Variants in ZMIZ1 observed in about 807,000 individuals in gnomAD.
ZMIZ1 encodes the protein zinc finger MIZ domain-containing protein 1.
ZMIZ1 carries 17 observed loss-of-function variants against 113.9 expected under a neutral mutation model. That is an observed-to-expected ratio of 0.15 (90% CI 0.10 to 0.22). The LOEUF (loss-of-function observed/expected upper bound fraction) is 0.22, where lower values mean the gene tolerates loss of function less well. ZMIZ1 is among the 10% of genes least tolerant of loss of function. The probability of loss-of-function intolerance (pLI) is 1.00; values close to 1 mark genes in which losing one functional copy is unlikely to be tolerated. For synonymous variants in ZMIZ1, 607 were observed against 603.1 expected (o/e 1.01, Z -0.09); for missense variants, 1,059 against 1,477.8 (o/e 0.72, Z 4.65).
chr10:79,105,492 T>C (rs1231620353), intron 1 of ZMIZ1, among the ~76,000 whole-genome samples: 1 of 152,218 alleles, frequency 6.6e-6, no homozygotes, highest in Non-Finnish European at 1.5e-5. Flanking sequence ...AAAGTGACCG[T>C]TGGCATTCAG....
chr10:79,127,306 C>T (rs997789607), intron 2 of ZMIZ1, among the ~76,000 whole-genome samples: 2 of 152,152 alleles, frequency 1.3e-5, no homozygotes, highest in African/African-American at 2.4e-5. Context: ...TGACCTGCAG[C>T]GGCCTCTCTC....
At chr10:79,093,762 C>T (rs1329707910) in intron 1 of ZMIZ1, among the ~76,000 whole-genome samples, 1 of 152,196 alleles carries the variant, frequency 6.6e-6, no homozygotes, top group Non-Finnish European at 1.5e-5. Flanking sequence ...CTATGCACAC[C>T]CTCCCATGCC....
chr10:79,219,457 G>A (rs1012741536), intron 7 of ZMIZ1, among the ~76,000 whole-genome samples: 5 of 152,198 alleles, frequency 3.3e-5, no homozygotes, highest in Non-Finnish European at 7.3e-5. Flanking sequence ...GTAATAGGCT[G>A]GAACCTGAAC....
At chr10:79,226,783 C>CT (rs1428630228) in intron 7 of ZMIZ1, among the ~76,000 whole-genome samples, 1 of 152,174 alleles carries the variant, frequency 6.6e-6, no homozygotes, top group Non-Finnish European at 1.5e-5. Context: ...CTGGGTTAGA[C>CT]AGACAGATAG....
At chr10:79,121,846 A>ATTC (rs1844305096) in intron 2 of ZMIZ1, among the ~76,000 whole-genome samples, 1 of 152,210 alleles carries the variant, frequency 6.6e-6, no homozygotes, top group Admixed American at 6.5e-5. Flanking sequence ...AAGACCCAGC[A>ATTC]GAAGGCTCAG....
At chr10:79,303,942 G>T in intron 18 of ZMIZ1, 73 bp from the exon 19 acceptor site, 1 of 1,585,546 alleles carries the variant, frequency 6.3e-7, no homozygotes, top group South Asian at 1.1e-5. Flanking sequence ...AGGAAGTGGG[G>T]AGCACGTGCA....
intron 7 of ZMIZ1, among the ~76,000 whole-genome samples, chr10:79,218,287 A>G (rs1475433077): frequency 1.3e-5 from 2 of 152,196 alleles, no homozygotes; most frequent in African/African-American, 4.8e-5. Context: ...CAGCCTGGGT[A>G]ACATGGCGAA....
At chr10:79,221,234 G>A (rs942525664) in intron 7 of ZMIZ1, among the ~76,000 whole-genome samples, 1 of 152,170 alleles carries the variant, frequency 6.6e-6, no homozygotes, top group Non-Finnish European at 1.5e-5. Context: ...CGGCCGTGGT[G>A]CAGGAGCACG....
intron 1 of ZMIZ1, among the ~76,000 whole-genome samples, chr10:79,078,913 C>T (rs1195586137): frequency 2.0e-5 from 3 of 152,026 alleles, no homozygotes; most frequent in South Asian, 4.1e-4. Flanking sequence ...GAAACGCCCG[C>T]GTAAACAGTC....
At chr10:79,208,536 C>G in intron 6 of ZMIZ1, 87 bp downstream of exon 6, 2 of 1,151,126 alleles carry the variant, frequency 1.7e-6, no homozygotes, top group South Asian at 2.8e-5. Context: ...GAGAGGTTGT[C>G]AGACATTGGG....
intron 1 of ZMIZ1, among the ~76,000 whole-genome samples, chr10:79,075,758 C>T (rs1842453311): frequency 6.6e-6 from 1 of 152,216 alleles, no homozygotes; most frequent in African/African-American, 2.4e-5. Context: ...CTCTTGGAGC[C>T]TCTGATTCAA....
intron 4 of ZMIZ1, among the ~76,000 whole-genome samples, chr10:79,164,647 C>G (rs1769756): frequency 6.6e-6 from 1 of 152,074 alleles, no homozygotes; most frequent in African/African-American, 2.4e-5. Flanking sequence ...CATGCTATCT[C>G]TTCAGCATCT....
intron 4 of ZMIZ1, among the ~76,000 whole-genome samples, chr10:79,199,462 C>T (rs1847979496): frequency 6.6e-6 from 1 of 151,892 alleles, no homozygotes. Flanking sequence ...GCCAAGATTG[C>T]GCCACTGCAC....
intron 5 of ZMIZ1, among the ~76,000 whole-genome samples, chr10:79,207,915 C>T (rs112322589): frequency 1.3e-5 from 2 of 151,730 alleles, no homozygotes; most frequent in African/African-American, 4.8e-5. Flanking sequence ...GGAGAACTCC[C>T]GGAACCCTGC....
intron 1 of ZMIZ1, among the ~76,000 whole-genome samples, chr10:79,109,574 C>T (rs1490650290): frequency 6.6e-6 from 1 of 152,186 alleles, no homozygotes; most frequent in Non-Finnish European, 1.5e-5. Flanking sequence ...GATGTGGTGC[C>T]CACTCCCAGG....
At chr10:79,188,059 T>C (rs1282451339) in intron 4 of ZMIZ1, among the ~76,000 whole-genome samples, 5 of 152,198 alleles carry the variant, frequency 3.3e-5, no homozygotes, top group African/African-American at 4.8e-5. Flanking sequence ...TTCGGCTATA[T>C]TGTTATAAAG....
At chr10:79,279,564 C>T (rs1352599606) in intron 8 of ZMIZ1, among the ~76,000 whole-genome samples, 1 of 152,188 alleles carries the variant, frequency 6.6e-6, no homozygotes, top group Non-Finnish European at 1.5e-5. Context: ...GACAGGGTGG[C>T]GGCTGGGCAG....
At chr10:79,275,255 G>A (rs1014650780) in intron 7 of ZMIZ1, among the ~76,000 whole-genome samples, 2 of 152,226 alleles carry the variant, frequency 1.3e-5, no homozygotes, top group African/African-American at 2.4e-5. Flanking sequence ...AGACACACAT[G>A]ACAGAGGAGA....
chr10:79,203,594 A>T (rs1290158690), intron 5 of ZMIZ1, among the ~76,000 whole-genome samples: 1 of 150,724 alleles, frequency 6.6e-6, no homozygotes, highest in Non-Finnish European at 1.5e-5. Context: ...CAGGCACACC[A>T]CTCCTGCCGA....
Sources: gnomAD v4.1 joint callset for allele counts (sites outside exome capture counted in the v4.1 genomes callset) on GRCh38, gnomAD v4.1.1 for gene constraint, MANE v1.5 for transcripts, NCBI Gene and HGNC (gene_info 2026-07-23, HGNC 2026-07-21) for gene names.